Variants in TOX observed in about 807,000 individuals in gnomAD.
TOX encodes the protein thymocyte selection-associated high mobility group box protein TOX.
Under a neutral mutation model 53.7 loss-of-function variants are expected in TOX, and 11 were observed. The ratio of observed to expected loss-of-function variants is 0.20; its 90% CI spans 0.13 to 0.34. The LOEUF is 0.34. Among genes scored for constraint, TOX ranks in the 10% least tolerant of loss-of-function variants. The pLI is 1.00. For synonymous variants in TOX, 225 were observed against 245.3 expected (o/e 0.92, Z 0.77); for missense variants, 570 against 664.6 (o/e 0.86, Z 1.56).
At chr8:58,898,327 T>C (rs968804520) in intron 3 of TOX, among the ~76,000 whole-genome samples, 7 of 39,324 alleles carry the variant, frequency 1.8e-4, no homozygotes, top group African/African-American at 1.0e-3. Flanking sequence ...TCTATTCATA[T>C]GTTTGATTAT....
intron 1 of TOX, among the ~76,000 whole-genome samples, chr8:59,038,947 G>C (rs1163330211): frequency 6.6e-6 from 1 of 151,978 alleles, no homozygotes; most frequent in East Asian, 1.9e-4. Flanking sequence ...ACTGGACTCG[G>C]GGAATGCCAG....
chr8:59,052,317 T>C (rs1159603413), intron 1 of TOX, among the ~76,000 whole-genome samples: 1 of 152,210 alleles, frequency 6.6e-6, no homozygotes, highest in Admixed American at 6.5e-5. Context: ...TTTCAATCAA[T>C]ACTTAGTGCA....
At chr8:58,948,626 C>T (rs1275955924) in intron 2 of TOX, among the ~76,000 whole-genome samples, 2 of 152,126 alleles carry the variant, frequency 1.3e-5, no homozygotes, top group African/African-American at 4.8e-5. Context: ...AGTGCTAGAT[C>T]ATCTTCCATA....
At chr8:58,990,433 A>AT (rs1813420732) in intron 1 of TOX, among the ~76,000 whole-genome samples, 1 of 150,656 alleles carries the variant, frequency 6.6e-6, no homozygotes, top group Non-Finnish European at 1.5e-5. Flanking sequence ...TTATTTATTT[A>AT]TTTTTTATTA....
intron 1 of TOX, among the ~76,000 whole-genome samples, chr8:59,099,970 A>G (rs1465134285): frequency 6.6e-6 from 1 of 152,178 alleles, no homozygotes; most frequent in Non-Finnish European, 1.5e-5. Context: ...ATGTAAATGT[A>G]CTCAATATTT....
chr8:59,112,088 A>G (rs1805025814), intron 1 of TOX, among the ~76,000 whole-genome samples: 2 of 152,194 alleles, frequency 1.3e-5, no homozygotes, highest in Non-Finnish European at 2.9e-5. Context: ...AGATCAAACT[A>G]AAGAAGTGTG....
At chr8:58,808,062 C>A in intron 8 of TOX, 56 bp downstream of exon 8, 1 of 1,562,176 alleles carries the variant, frequency 6.4e-7, no homozygotes, top group Admixed American at 1.9e-5. Flanking sequence ...CAACTAGGGA[C>A]GATATGCATG....
At chr8:58,959,470 C>A (rs577352627) in intron 2 of TOX, among the ~76,000 whole-genome samples, 2 of 152,302 alleles carry the variant, frequency 1.3e-5, no homozygotes, top group African/African-American at 4.8e-5. Context: ...AGCCCCCACT[C>A]CTTACCTCCC....
intron 1 of TOX, among the ~76,000 whole-genome samples, chr8:59,028,583 A>G (rs1395985975): frequency 6.6e-6 from 1 of 152,174 alleles, no homozygotes; most frequent in Non-Finnish European, 1.5e-5. Context: ...ACATACATAC[A>G]TACATATATA....
intron 1 of TOX, among the ~76,000 whole-genome samples, chr8:59,009,569 T>C (rs1477116843): frequency 2.6e-5 from 4 of 151,940 alleles, no homozygotes; most frequent in African/African-American, 9.7e-5. Context: ...GACAGGGTTT[T>C]ACCATGTTGG....
intron 1 of TOX, among the ~76,000 whole-genome samples, chr8:59,013,655 C>T (rs541550722): frequency 7.2e-5 from 11 of 152,284 alleles, no homozygotes; most frequent in African/African-American, 1.2e-4. Context: ...GTGATCCGCC[C>T]GCTCCGGCCT....
intron 2 of TOX, among the ~76,000 whole-genome samples, chr8:58,944,816 A>C (rs1055440435): frequency 1.3e-5 from 2 of 152,220 alleles, no homozygotes; most frequent in Admixed American, 6.5e-5. Context: ...AAAACAAACA[A>C]CTGTAGACAG....
intron 1 of TOX, among the ~76,000 whole-genome samples, chr8:59,005,421 T>C (rs1362993579): frequency 6.6e-6 from 1 of 152,208 alleles, no homozygotes; most frequent in African/African-American, 2.4e-5. Context: ...ATATACTAAA[T>C]ACTAAATAGA....
chr8:58,949,172 T>C (rs1259897762), intron 2 of TOX, among the ~76,000 whole-genome samples: 1 of 152,236 alleles, frequency 6.6e-6, no homozygotes, highest in Non-Finnish European at 1.5e-5. Context: ...CTTTGAGTAA[T>C]ACACTGGTTC....
chr8:59,048,847 G>A (rs1266353390), intron 1 of TOX, among the ~76,000 whole-genome samples: 1 of 151,968 alleles, frequency 6.6e-6, no homozygotes, highest in African/African-American at 2.4e-5. Flanking sequence ...TCCATTAAAA[G>A]CAATTTGTAT....
chr8:59,110,203 T>C (rs1057246088), intron 1 of TOX, among the ~76,000 whole-genome samples: 17 of 152,168 alleles, frequency 1.1e-4, no homozygotes, highest in Non-Finnish European at 1.9e-4. Flanking sequence ...TTAGCTTTGA[T>C]ATTAAGCTTC....
chr8:58,931,839 G>C (rs375992547), intron 3 of TOX, among the ~76,000 whole-genome samples: 2 of 152,266 alleles, frequency 1.3e-5, no homozygotes, highest in South Asian at 4.1e-4. Context: ...AAGGGTTGAA[G>C]AAAAAGTACA....
At position 58,806,567 on chromosome 8, in the gene TOX, A is replaced by C. The variant is rs547555331; in HGVS notation, c.*1180T>G. ...CAATTCTGTTATGTCGTATGAAGAA[A>C]TAAAGTTCTTAAATATAATAGTTTT... On this transcript the variant is annotated 3_prime_UTR_variant, in exon 9 of 9. Coordinates refer to ENST00000361421, the MANE Select transcript of TOX (RefSeq NM_014729.3). 3.8e-4 allele frequency: 58 copies of C among 152,726 alleles called. No homozygotes were observed. The highest frequency in any genetic ancestry group is 1.3e-3 in the African/African-American group (55 of 41,576). The allele number at this position is 152,726 out of a possible 1,614,324, so 9.5% of individuals were successfully genotyped here.
At chr8:58,906,364 C>T (rs778652745) in intron 3 of TOX, among the ~76,000 whole-genome samples, 6 of 152,172 alleles carry the variant, frequency 3.9e-5, no homozygotes, top group African/African-American at 7.2e-5. Context: ...CAGCCAATAA[C>T]ATTTCTGCAA....
Sources: allele counts gnomAD v4.1 joint callset (sites outside exome capture counted in the v4.1 genomes callset), GRCh38; gene constraint gnomAD v4.1.1; transcripts MANE v1.5; gene names NCBI Gene and HGNC (gene_info 2026-07-23, HGNC 2026-07-21).